TBCD: variants seen among roughly 807,000 people sequenced by gnomAD.
TBCD encodes the protein tubulin-specific chaperone D.
TBCD carries 105 observed loss-of-function variants against 169.3 expected under a neutral mutation model. That is an observed-to-expected ratio of 0.62 (90% CI 0.53 to 0.73). TBCD has a LOEUF of 0.73. Ranked by LOEUF, TBCD falls within the 30% of genes least tolerant of loss-of-function variation. The pLI, the probability that TBCD is intolerant of heterozygous loss-of-function variation, is 0.00. For synonymous variants in TBCD, 700 were observed against 643.9 expected (o/e 1.09, Z -1.32); for missense variants, 1,444 against 1,600.1 (o/e 0.90, Z 1.66).
Position 82,939,357 on chromosome 17 carries a change from CCT to C in TBCD, c.3370-9_3370-8del. On this transcript the variant is annotated splice_region_variant and splice_polypyrimidine_tract_variant and intron_variant, in intron 36 of 38. Coordinates refer to ENST00000355528, the MANE Select transcript of TBCD (RefSeq NM_005993.5). The stretch of plus-strand genomic sequence containing the variant: ...TTCCCTCCGGCAAATGCACTGCATC[CCT>C]GTCCCAGATCCGGAAGACCACGGCC... 1 of 1,606,546 alleles carries C rather than the reference CCT, an allele frequency of 6.2e-7. No homozygotes were observed. The highest frequency in any genetic ancestry group is 8.5e-7 in the Non-Finnish European group (1 of 1,177,012).
At chr17:82,938,705 G>A (rs543168845) in intron 36 of TBCD, among the ~76,000 whole-genome samples, 2 of 152,206 alleles carry the variant, frequency 1.3e-5, no homozygotes, top group African/African-American at 2.4e-5. Flanking sequence ...GACCACCAGC[G>A]CAGTGAGACA....
chr17:82,797,150 T>C (rs2050161522), intron 7 of TBCD, among the ~76,000 whole-genome samples: 1 of 152,228 alleles, frequency 6.6e-6, no homozygotes. Context: ...AAACCTCAGG[T>C]TGAGAATTCA....
intron 2 of TBCD, among the ~76,000 whole-genome samples, chr17:82,757,999 AG>A (rs1462051667): frequency 7.9e-5 from 12 of 152,200 alleles, no homozygotes; most frequent in Non-Finnish European, 1.5e-5. Flanking sequence ...TATTCTTGCC[AG>A]ACCTCTTTCC....
chr17:82,798,340 G>A (rs1376217411), intron 8 of TBCD, among the ~76,000 whole-genome samples: 2 of 152,094 alleles, frequency 1.3e-5, no homozygotes, highest in African/African-American at 2.4e-5. Context: ...TAGAGATGGG[G>A]TTTCACCGTG....
chr17:82,881,068 T>C (rs1186548589), intron 14 of TBCD, among the ~76,000 whole-genome samples: 1 of 152,140 alleles, frequency 6.6e-6, no homozygotes, highest in African/African-American at 2.4e-5. Context: ...CCTATTCCCC[T>C]TGGGCTCCAT....
intron 17 of TBCD, among the ~76,000 whole-genome samples, chr17:82,894,342 A>C (rs1016737006): frequency 7.9e-5 from 12 of 152,168 alleles, no homozygotes; most frequent in African/African-American, 2.9e-4. Context: ...TGGAGACAGA[A>C]TCTAGCTCTG....
In TBCD at chr17:82,927,834, C is replaced by T. The variant is rs572458152; in HGVS notation, c.2610-71C>T. ...GTGTCGAATTCACACAGGCTGCCGG[C>T]GTGGTGGGCAGAACCAGGGTTGGAA... On this transcript the variant is annotated intron_variant, in intron 29 of 38. Transcript: ENST00000355528. 68 of 1,366,058 alleles carry T rather than the reference C, an allele frequency of 5.0e-5. No individual in the cohort carries two copies. In the African/African-American group the frequency reaches 7.3e-4, roughly 15 times the overall value. 84.6% of individuals were successfully genotyped at this position (1,366,058 alleles called of 1,614,324 possible). A position where few individuals can be genotyped will look rare whatever the true frequency, so the allele number is the denominator to read the frequency against.
Position 82,764,065 on chromosome 17 carries a change from A to G in TBCD, c.333+3A>G. ...AATTTCTTTACATCATCACCAAGGT[A>G]ACATTTCCATAGCACTTCAGAGTTG... On this transcript the variant is annotated splice_donor_region_variant and intron_variant, in intron 3 of 38. Transcript: ENST00000355528. The G allele has an allele frequency of 6.2e-7, 1 of 1,610,198 alleles. No homozygotes were observed. Among genetic ancestry groups the G allele is most frequent in the Non-Finnish European group, 8.5e-7 (1 of 1,176,754 alleles).
At chr17:82,883,310 G>T (rs887493372) in intron 14 of TBCD, among the ~76,000 whole-genome samples, 1 of 152,262 alleles carries the variant, frequency 6.6e-6, no homozygotes, top group Non-Finnish European at 1.5e-5. Flanking sequence ...CCTTTAGGCT[G>T]GTAGGAGGCG....
intron 18 of TBCD, among the ~76,000 whole-genome samples, chr17:82,901,380 G>A (rs1277991912): frequency 1.3e-5 from 2 of 152,210 alleles, no homozygotes; most frequent in Admixed American, 6.5e-5. Context: ...GTGAGGGTGC[G>A]AGTCCAGAAT....
rs771527000 is a variant in TBCD, at chr17:82,932,727, G to A, written c.3183G>A (p.Thr1061=). 4.3e-6 allele frequency: 7 copies of A among 1,613,624 alleles called. No individual in the cohort carries two copies. Among genetic ancestry groups the A allele is most frequent in the African/African-American group, 2.7e-5 (2 of 74,890 alleles). The change falls in exon 34 of 39, where the codon ACG becomes ACA. Residue 1061 remains threonine (T), a synonymous_variant. Coordinates refer to ENST00000355528, the MANE Select transcript of TBCD (RefSeq NM_005993.5). The part of the protein sequence containing the change: ...LTHGCFDIFT[T]EEDHPFAVKL... Reference sequence around the variant, plus strand: ...ACGGCTGCTTCGACATCTTCACCACGGAGGAGGAGTGAGGCTCTGCTTTTC... The same window carrying A: ...ACGGCTGCTTCGACATCTTCACCACAGAGGAGGAGTGAGGCTCTGCTTTTC...
chr17:82,755,166 AAG>A (rs377276929), intron 1 of TBCD, among the ~76,000 whole-genome samples: 53 of 152,284 alleles, frequency 3.5e-4, no homozygotes, highest in African/African-American at 1.1e-3. Flanking sequence ...GATTGGTTGA[AAG>A]AGTTTATCTG....
intron 6 of TBCD, among the ~76,000 whole-genome samples, chr17:82,777,100 T>G (rs2048648308): frequency 6.6e-6 from 1 of 152,104 alleles, no homozygotes; most frequent in Non-Finnish European, 1.5e-5. Flanking sequence ...TGTCAAACCG[T>G]TTTTTTCTCC....
At chr17:82,937,473 A>T (rs1198185780) in intron 35 of TBCD, 113 bp downstream of exon 35, 2 of 887,398 alleles carry the variant, frequency 2.3e-6, no homozygotes, top group African/African-American at 3.3e-5. Context: ...GTTACTCCTC[A>T]AGCTAACCTA....
intron 17 of TBCD, among the ~76,000 whole-genome samples, chr17:82,899,657 TAAAG>T (rs772704878): frequency 1.3e-5 from 2 of 152,252 alleles, no homozygotes; most frequent in Non-Finnish European, 2.9e-5. Context: ...TTCTTTCAGA[TAAAG>T]AGTTAGAATT....
At chr17:82,798,242 A>G (rs1212313550) in intron 8 of TBCD, among the ~76,000 whole-genome samples, 4 of 142,936 alleles carry the variant, frequency 2.8e-5, no homozygotes, top group African/African-American at 1.1e-4. Flanking sequence ...CGCCTCCTGG[A>G]TTCACGCCAT....
intron 13 of TBCD, among the ~76,000 whole-genome samples, chr17:82,856,697 C>T (rs1471022631): frequency 6.6e-6 from 1 of 152,190 alleles, no homozygotes; most frequent in African/African-American, 2.4e-5. Context: ...CCTGTCTTCC[C>T]CTTTTTTGGG....
chr17:82,898,704 G>C (rs532481558), intron 17 of TBCD, among the ~76,000 whole-genome samples: 28 of 152,162 alleles, frequency 1.8e-4, no homozygotes, highest in Admixed American at 1.8e-3. Flanking sequence ...TTCGGCATAT[G>C]TGTTGGTAGG....
chr17:82,795,695 C>A, intron 7 of TBCD: 1 of 783,398 alleles, frequency 1.3e-6, no homozygotes, highest in Non-Finnish European at 1.5e-6. Context: ...TTGCGTGGAT[C>A]GATTCTGTGG....
Sources: gnomAD v4.1 joint callset for allele counts (sites outside exome capture counted in the v4.1 genomes callset) on GRCh38, gnomAD v4.1.1 for gene constraint, MANE v1.5 for transcripts, NCBI Gene and HGNC (gene_info 2026-07-23, HGNC 2026-07-21) for gene names.